Variants in SIRT6 observed in about 807,000 individuals in gnomAD.
SIRT6 encodes sirtuin 6, also known as NAD-dependent protein deacylase sirtuin-6.
SIRT6 carries 21 observed loss-of-function variants against 33.6 expected under a neutral mutation model. The ratio of observed to expected loss-of-function variants is 0.62; its 90% confidence interval spans 0.44 to 0.90. SIRT6 has a LOEUF of 0.90. Among genes scored for constraint, SIRT6 ranks in the 40% least tolerant of loss-of-function variants. SIRT6 has a pLI of 0.00. For missense variants in SIRT6, 504 were observed against 510.6 expected (o/e 0.99, Z 0.12); for synonymous variants, 221 against 223.9 (o/e 0.99, Z 0.12).
At chr19:4,180,093 C>CTTTTTTTTTT (rs71166971) in intron 2 of SIRT6, among the ~76,000 whole-genome samples, 1 of 45,902 alleles carries the variant, frequency 2.2e-5, no homozygotes, top group Non-Finnish European at 3.8e-5. Flanking sequence ...CACGCCTTGG[C>CTTTTTTTTTT]TTTTTTTTTT....
chr19:4,175,508 G>A lies in SIRT6; in HGVS notation c.614+172C>T, dbSNP rs1432377190. On this transcript the variant is annotated intron_variant, in intron 6 of 7. Coordinates refer to ENST00000337491, the MANE Select transcript of SIRT6 (RefSeq NM_016539.4). ...TAGCACCCACCCAGAGCCATGAGGT[G>A]ACGAGTGTGTGTGAGTGCGTGTGTG... is the stretch of plus-strand genomic sequence containing the variant. The A allele has an allele frequency of 4.6e-6, 3 of 655,180 alleles. No individual in the cohort carries two copies. In the African/African-American group the frequency reaches 5.5e-5, roughly 12 times the overall value. 40.6% of individuals were successfully genotyped at this position (655,180 alleles called of 1,614,324 possible).
intron 3 of SIRT6, among the ~76,000 whole-genome samples, chr19:4,177,682 C>T (rs564385690): frequency 2.8e-4 from 42 of 152,178 alleles, no homozygotes; most frequent in Non-Finnish European, 5.6e-4. Flanking sequence ...CCTCTGCCTC[C>T]GGGGTTCAAG....
At chr19:4,176,845 C>A (rs867135603) in intron 4 of SIRT6, among the ~76,000 whole-genome samples, 5 of 151,946 alleles carry the variant, frequency 3.3e-5, no homozygotes, top group East Asian at 1.9e-4. Flanking sequence ...ATGTACCCCC[C>A]ACAGGAGGGA....
At chr19:4,175,498 G>A in intron 6 of SIRT6, 182 bp downstream of exon 6, 4 of 645,972 alleles carry the variant, frequency 6.2e-6, no homozygotes, top group Non-Finnish European at 1.0e-5. Flanking sequence ...CCCACCCAGA[G>A]CCATGAGGTG....
At chr19:4,182,069 C>T (rs1967715431) in intron 1 of SIRT6, 2 of 179,524 alleles carry the variant, frequency 1.1e-5, no homozygotes, top group Non-Finnish European at 2.4e-5. Flanking sequence ...ACATTCTGTC[C>T]AGTCCCCTCG....
intron 2 of SIRT6, among the ~76,000 whole-genome samples, chr19:4,179,826 G>C (rs1446313892): frequency 6.6e-6 from 1 of 152,188 alleles, no homozygotes; most frequent in Non-Finnish European, 1.5e-5. Context: ...AGGCTAAGCA[G>C]TTTCTTGAAG....
At chr19:4,179,568 G>T in intron 2 of SIRT6, 1 of 489,848 alleles carries the variant, frequency 2.0e-6, no homozygotes, top group Non-Finnish European at 3.6e-6. Context: ...GAGGCAGAGA[G>T]AGAGAGATGA....
chr19:4,174,817 G>GGGGGGGCCCCCCCCCCCCCCCCCC lies in SIRT6; in HGVS notation c.867_868insGGGGGGGGGGGGGGGGGGCCCCCC (p.Leu289_Pro290insGlyGlyGlyGlyGlyGlyProPro). 1 of 447,540 alleles carries GGGGGGGCCCCCCCCCCCCCCCCCC rather than the reference G, an allele frequency of 2.2e-6. No homozygotes were observed. The highest frequency in any genetic ancestry group is 4.4e-6 in the Non-Finnish European group (1 of 229,044). The allele number at this position is 447,540 out of a possible 1,614,324, so 27.7% of individuals were successfully genotyped here. A position where few individuals can be genotyped will look rare whatever the true frequency, so the allele number is the denominator to read the frequency against. ...TCCAGCTTGGGGGTGGGCGGGCGGGGCAGGGGTGGCAGCGCCCTCTCCAGC... is the reference window on the plus strand; with the variant it reads ...TCCAGCTTGGGGGTGGGCGGGCGGGGGGGGGGCCCCCCCCCCCCCCCCCCCAGGGGTGGCAGCGCCCTCTCCAGC... On this transcript the variant is annotated inframe_insertion, in exon 8 of 8. Coordinates refer to ENST00000337491, the MANE Select transcript of SIRT6 (RefSeq NM_016539.4). The surrounding 1 kb of genome is among the most constrained non-coding windows in gnomAD (Gnocchi z 4.2).
chr19:4,176,550 C>T (rs376043886), intron 4 of SIRT6, among the ~76,000 whole-genome samples: 10 of 152,104 alleles, frequency 6.6e-5, no homozygotes, highest in African/African-American at 2.2e-4. Context: ...GATTGCCCCA[C>T]TGTACTCCAG....
In SIRT6 at chr19:4,176,076, A is replaced by T; in HGVS notation, c.438-139T>A. 4.5e-6 allele frequency: 3 copies of T among 665,868 alleles called. No individual in the cohort carries two copies. In the South Asian group the frequency reaches 5.6e-5, roughly 12 times the overall value. 41.2% of individuals were successfully genotyped at this position (665,868 alleles called of 1,614,324 possible). Reference sequence around the variant, plus strand: ...AACTAGCACCCAGCGACACGGAACGAGTAGCCTTCCATGAATAACGGGCTG... The same window carrying T: ...AACTAGCACCCAGCGACACGGAACGTGTAGCCTTCCATGAATAACGGGCTG... On this transcript the variant is annotated intron_variant, in intron 4 of 7. Transcript: ENST00000337491.
chr19:4,182,297 C>T, intron 1 of SIRT6, 177 bp downstream of exon 1: 2 of 608,820 alleles, frequency 3.3e-6, no homozygotes, highest in Non-Finnish European at 5.6e-6. Flanking sequence ...CAGAGTTGGG[C>T]GTGTTGGCGT....
chr19:4,177,255 A>G, intron 3 of SIRT6, 117 bp from the exon 4 acceptor site: 1 of 806,904 alleles, frequency 1.2e-6, no homozygotes, highest in Non-Finnish European at 2.1e-6. Flanking sequence ...CTCTCCCACA[A>G]CATTGATCAA....
intron 3 of SIRT6, among the ~76,000 whole-genome samples, chr19:4,178,648 A>G (rs959841139): frequency 7.9e-5 from 12 of 152,028 alleles, no homozygotes; most frequent in African/African-American, 2.7e-4. Flanking sequence ...TCAGGAGTTC[A>G]AGACCAGCCT....
At chr19:4,181,513 A>C (rs1418413918) in intron 1 of SIRT6, among the ~76,000 whole-genome samples, 2 of 152,224 alleles carry the variant, frequency 1.3e-5, no homozygotes, top group African/African-American at 4.8e-5. Context: ...CAGGCCGGGT[A>C]TGGTGGCTCA....
At chr19:4,179,580 T>G in intron 2 of SIRT6, 117 of 397,174 alleles carry the variant, frequency 2.9e-4, no homozygotes, top group Middle Eastern at 1.3e-3. Flanking sequence ...GAGAGATGAA[T>G]TCACACGAAG....
intron 3 of SIRT6, among the ~76,000 whole-genome samples, chr19:4,177,834 C>A (rs1967395156): frequency 6.6e-6 from 1 of 152,206 alleles, no homozygotes; most frequent in Admixed American, 6.5e-5. Context: ...TTGTGATCCA[C>A]CCGCCTCGGC....
intron 3 of SIRT6, among the ~76,000 whole-genome samples, chr19:4,178,856 C>A (rs528808236): frequency 5.9e-5 from 9 of 152,212 alleles, no homozygotes; most frequent in East Asian, 1.9e-4. Context: ...ACAACAACAA[C>A]AAAAAACAAA....
In SIRT6 at chr19:4,175,693, C is replaced by T. The variant is rs201495361; in HGVS notation, c.601G>A (p.Asp201Asn). The change falls in exon 6 of 8, where the codon GAT (aspartate) becomes AAT (asparagine). Residue 201 changes from aspartate (D) to asparagine (N), a missense_variant. Transcript: ENST00000337491. ...SLPDRDLALA[D>N]EASRNADLSI... ...GGGGGGTCAGACCTGCTGGCCTCAT[C>T]GGCGAGTGCCAGGTCCCGGTCGGGC... is the stretch of plus-strand genomic sequence containing the variant. 49 of 1,567,896 alleles carry T rather than the reference C, an allele frequency of 3.1e-5. 1 individual carries two copies. The highest frequency in any genetic ancestry group is 4.6e-5 in the East Asian group (2 of 43,132).
In SIRT6 at chr19:4,176,241, C is replaced by G. The variant is rs560713596; in HGVS notation, c.438-304G>C. 2.8e-3 allele frequency among the ~76,000 whole-genome samples: 424 copies of G among 152,252 alleles called. 1 individual carries two copies. The highest frequency in any genetic ancestry group is 9.4e-3 in the African/African-American group (391 of 41,550). On this transcript the variant is annotated intron_variant, in intron 4 of 7. Transcript: ENST00000337491. ...CAATTGGAGCATGGGGGCGACAGGCCGAGTCTGGATTCGGGATTAGAGAAG... is the reference window on the plus strand; with the variant it reads ...CAATTGGAGCATGGGGGCGACAGGCGGAGTCTGGATTCGGGATTAGAGAAG...
Sources: gnomAD v4.1 joint callset for allele counts (sites outside exome capture counted in the v4.1 genomes callset) on GRCh38, gnomAD v4.1.1 for gene constraint, Gnocchi (gnomAD v3.1) non-coding constraint, MANE v1.5 for transcripts, NCBI Gene and HGNC (gene_info 2026-07-23, HGNC 2026-07-21) for gene names.